The following GABRB1 variants were observed in gnomAD, a reference collection of about 807,000 sequenced individuals.
The protein encoded by GABRB1 is gamma-aminobutyric acid type A receptor subunit beta1.
Under a neutral mutation model 51.6 loss-of-function variants are expected in GABRB1, and 17 were observed. The observed-to-expected ratio is 0.33, with a 90% CI of 0.23 to 0.49. The LOEUF is 0.49. Among genes scored for constraint, GABRB1 ranks in the 20% least tolerant of loss-of-function variants. GABRB1 has a pLI of 0.99. For synonymous variants in GABRB1, 247 were observed against 218.9 expected (o/e 1.13, Z -1.14); for missense variants, 410 against 600.6 (o/e 0.68, Z 3.32).
intron 4 of GABRB1, among the ~76,000 whole-genome samples, chr4:47,167,691 C>T (rs1718250306): frequency 6.6e-6 from 1 of 152,100 alleles, no homozygotes; most frequent in Non-Finnish European, 1.5e-5. Context: ...CATAAGGGCT[C>T]CATCCTTGCA....
chr4:47,042,559 T>C (rs537274535), intron 3 of GABRB1, among the ~76,000 whole-genome samples: 2 of 150,738 alleles, frequency 1.3e-5, no homozygotes, highest in Admixed American at 6.6e-5. Flanking sequence ...TACTGGCACA[T>C]GGACTGTCAA....
intron 3 of GABRB1, among the ~76,000 whole-genome samples, chr4:47,081,405 A>T (rs146497631): frequency 5.9e-5 from 9 of 152,336 alleles, no homozygotes; most frequent in Admixed American, 5.9e-4. Context: ...GCTTACATAA[A>T]CTTGACACAA....
intron 5 of GABRB1, among the ~76,000 whole-genome samples, chr4:47,345,083 T>G (rs1267644467): frequency 6.6e-6 from 1 of 152,236 alleles, no homozygotes; most frequent in Admixed American, 6.5e-5. Flanking sequence ...GAAGCATTTA[T>G]CTACACTATT....
At chr4:47,226,946 C>A (rs1720963315) in intron 4 of GABRB1, among the ~76,000 whole-genome samples, 1 of 152,048 alleles carries the variant, frequency 6.6e-6, no homozygotes, top group Non-Finnish European at 1.5e-5. Flanking sequence ...GAATAATAAC[C>A]ACTGTTGTCA....
chr4:47,356,256 A>G (rs1726570717), intron 5 of GABRB1, among the ~76,000 whole-genome samples: 2 of 134,890 alleles, frequency 1.5e-5, no homozygotes, highest in African/African-American at 5.6e-5. Context: ...ACTGACAGCT[A>G]CTCCTTAAAT....
chr4:47,344,200 C>T lies in GABRB1; in HGVS notation c.544+23991C>T, dbSNP rs540364854. ...AGAGTGGTAGCAAAGGTGAGCAACT[C>T]AGAATACTGCTAGACCTGGCTAATG... On this transcript the variant is annotated intron_variant, in intron 5 of 8. Transcript: ENST00000295454. Among the ~76,000 whole-genome samples, 60 of 152,322 alleles carry T rather than the reference C, an allele frequency of 3.9e-4. 1 individual carries two copies. The South Asian group carries it at 0.012, about 30-fold the overall frequency.
chr4:47,074,497 T>C (rs1188438984), intron 3 of GABRB1, among the ~76,000 whole-genome samples: 2 of 152,180 alleles, frequency 1.3e-5, no homozygotes, highest in Non-Finnish European at 2.9e-5. Flanking sequence ...AAAATGGGTA[T>C]AAAATACCAA....
intron 5 of GABRB1, among the ~76,000 whole-genome samples, chr4:47,381,811 G>A (rs1490696922): frequency 6.6e-6 from 1 of 152,184 alleles, no homozygotes; most frequent in Non-Finnish European, 1.5e-5. Context: ...GGGAACTTAT[G>A]GGTGAAGAGA....
At chr4:47,256,078 A>T (rs552810463) in intron 4 of GABRB1, among the ~76,000 whole-genome samples, 12 of 152,344 alleles carry the variant, frequency 7.9e-5, no homozygotes, top group African/African-American at 2.9e-4. Context: ...AGCCTGGTTG[A>T]CCATCTGAGA....
chr4:47,370,339 T>A (rs940251712), intron 5 of GABRB1, among the ~76,000 whole-genome samples: 7 of 151,986 alleles, frequency 4.6e-5, no homozygotes, highest in African/African-American at 1.5e-4. Context: ...ATACAAAAAT[T>A]AGCTGGGCAT....
chr4:47,080,958 A>G (rs1247425852), intron 3 of GABRB1, among the ~76,000 whole-genome samples: 1 of 152,188 alleles, frequency 6.6e-6, no homozygotes, highest in Non-Finnish European at 1.5e-5. Flanking sequence ...AAACTACTCA[A>G]TATGCAAGGC....
chr4:47,294,868 A>C (rs778048513), intron 4 of GABRB1, among the ~76,000 whole-genome samples: 1 of 152,228 alleles, frequency 6.6e-6, no homozygotes, highest in Non-Finnish European at 1.5e-5. Context: ...CAGTAGGGGC[A>C]GACTGACACC....
chr4:47,192,782 CTG>C (rs1025940372), intron 4 of GABRB1, among the ~76,000 whole-genome samples: 1 of 152,170 alleles, frequency 6.6e-6, no homozygotes, highest in Non-Finnish European at 1.5e-5. Context: ...AATCAAGTGA[CTG>C]TGTGAATATT....
intron 1 of GABRB1, among the ~76,000 whole-genome samples, chr4:47,006,332 C>T (rs968684115): frequency 3.9e-5 from 6 of 151,988 alleles, no homozygotes; most frequent in Non-Finnish European, 7.4e-5. Flanking sequence ...TAATACTATA[C>T]ATATATAATA....
At chr4:47,078,138 C>A (rs1208746499) in intron 3 of GABRB1, among the ~76,000 whole-genome samples, 3 of 150,622 alleles carry the variant, frequency 2.0e-5, no homozygotes, top group Non-Finnish European at 4.4e-5. Flanking sequence ...TACAGGCATG[C>A]ACCACCATGC....
chr4:47,333,350 C>T (rs1340603321), intron 5 of GABRB1, among the ~76,000 whole-genome samples: 1 of 151,484 alleles, frequency 6.6e-6, no homozygotes, highest in Non-Finnish European at 1.5e-5. Flanking sequence ...ACTTTAGCAA[C>T]ATTCTCTGCC....
At chr4:47,000,731 C>T (rs1171993946) in intron 1 of GABRB1, among the ~76,000 whole-genome samples, 1 of 152,172 alleles carries the variant, frequency 6.6e-6, no homozygotes, top group Non-Finnish European at 1.5e-5. Flanking sequence ...CTTACTTAGC[C>T]AGCTTGGATT....
chr4:47,240,812 A>G (rs1721492689), intron 4 of GABRB1, among the ~76,000 whole-genome samples: 1 of 152,228 alleles, frequency 6.6e-6, no homozygotes, highest in Non-Finnish European at 1.5e-5. Context: ...AGCACCCGGT[A>G]GTTAGAGGCA....
At chr4:47,013,639 T>C (rs565266256) in intron 1 of GABRB1, among the ~76,000 whole-genome samples, 5 of 152,346 alleles carry the variant, frequency 3.3e-5, no homozygotes, top group African/African-American at 1.2e-4. Flanking sequence ...GGATTTATCT[T>C]CTTTGAATTC....
Sources: gnomAD v4.1 joint callset for allele counts (sites outside exome capture counted in the v4.1 genomes callset) on GRCh38, gnomAD v4.1.1 for gene constraint, MANE v1.5 for transcripts, NCBI Gene and HGNC (gene_info 2026-07-23, HGNC 2026-07-21) for gene names.